RASGRF1: variants seen among roughly 807,000 people sequenced by gnomAD.
The protein encoded by RASGRF1 is Ras protein specific guanine nucleotide releasing factor 1.
A neutral mutation model predicts 138.7 loss-of-function variants in RASGRF1; 40 were observed. That is an observed-to-expected ratio of 0.29 (90% confidence interval 0.22 to 0.38). The LOEUF is 0.38. Ranked by LOEUF, RASGRF1 falls within the 10% of genes least tolerant of loss-of-function variation. The probability of loss-of-function intolerance (pLI) is 1.00; values close to 1 mark genes in which losing one functional copy is unlikely to be tolerated. For synonymous variants in RASGRF1, 614 were observed against 663.2 expected (o/e 0.93, Z 1.14); for missense variants, 1,108 against 1,650.4 (o/e 0.67, Z 5.69).
At chr15:79,003,393 C>A (rs1165024507) in intron 15 of RASGRF1, among the ~76,000 whole-genome samples, 4 of 152,248 alleles carry the variant, frequency 2.6e-5, no homozygotes, top group Non-Finnish European at 2.9e-5. Flanking sequence ...CAGACTGAAT[C>A]CCAGGGGGCA....
At chr15:79,029,991 G>C (rs2057114576) in intron 8 of RASGRF1, among the ~76,000 whole-genome samples, 1 of 152,226 alleles carries the variant, frequency 6.6e-6, no homozygotes, top group Non-Finnish European at 1.5e-5. Flanking sequence ...CCTTGGGGAA[G>C]AGTGTGCGGG....
chr15:78,963,893 T>G (rs920514160), intron 26 of RASGRF1, among the ~76,000 whole-genome samples: 1 of 152,198 alleles, frequency 6.6e-6, no homozygotes, highest in Non-Finnish European at 1.5e-5. Flanking sequence ...TAGATAGTAG[T>G]GTCATGTGAA....
At chr15:79,039,196 G>A (rs1051255861) in intron 5 of RASGRF1, among the ~76,000 whole-genome samples, 5 of 150,906 alleles carry the variant, frequency 3.3e-5, no homozygotes, top group Non-Finnish European at 7.4e-5. Context: ...AGCTACTAAG[G>A]AGGTTGAGAG....
chr15:79,059,865 C>G (rs2057573960), intron 2 of RASGRF1, among the ~76,000 whole-genome samples: 1 of 151,848 alleles, frequency 6.6e-6, no homozygotes, highest in Non-Finnish European at 1.5e-5. Flanking sequence ...TAGGAAGTAT[C>G]TATTATGTAT....
intron 8 of RASGRF1, among the ~76,000 whole-genome samples, chr15:79,028,402 CT>C (rs36004808): frequency 6.6e-6 from 1 of 152,144 alleles, no homozygotes; most frequent in African/African-American, 2.4e-5. Context: ...AATGGCTTAC[CT>C]TTTGGAGCAC....
chr15:79,049,803 T>G (rs1477311860), intron 3 of RASGRF1, among the ~76,000 whole-genome samples: 1 of 152,104 alleles, frequency 6.6e-6, no homozygotes, highest in Non-Finnish European at 1.5e-5. Context: ...GCACGGGGGA[T>G]GGGTAGACAC....
At position 79,046,079 on chromosome 15, in the gene RASGRF1, C is replaced by A. The variant is rs1309180698; in HGVS notation, c.878+667G>T. ...GACAGCAGAAGAGCAGCCGTCAGCACAGCCTTCTGAAGAACCACAAGCCCC... is the reference window on the plus strand; with the variant it reads ...GACAGCAGAAGAGCAGCCGTCAGCAAAGCCTTCTGAAGAACCACAAGCCCC... On this transcript the variant is annotated intron_variant, in intron 5 of 26. Coordinates refer to ENST00000558480, the MANE Select transcript of RASGRF1 (RefSeq NM_001145648.3). The surrounding 1 kb of genome is among the most constrained non-coding windows in gnomAD (Gnocchi z 5.3). Among the ~76,000 whole-genome samples, 1 of 152,210 alleles carries A rather than the reference C, an allele frequency of 6.6e-6. No homozygotes were observed. The highest frequency in any genetic ancestry group is 1.5e-5 in the Non-Finnish European group (1 of 68,042).
rs200753716 is a variant in RASGRF1 at position 79,006,455 on chromosome 15, C to T, written c.1827-21G>A. 3.6e-5 allele frequency: 57 copies of T among 1,602,654 alleles called. No homozygotes were observed. Among genetic ancestry groups the T allele is most frequent in the Non-Finnish European group, 4.8e-5 (56 of 1,176,470 alleles). On this transcript the variant is annotated intron_variant, in intron 13 of 26. Transcript: ENST00000558480. The surrounding 1 kb of genome is among the most constrained non-coding windows in gnomAD (Gnocchi z 4.0). ...CGGACCTGAGAGGGGAGGAAGGATG[C>T]AGAGGTGATGTGGGTCTAAAGGCAT...
chr15:78,966,529 C>T (rs74321174), intron 26 of RASGRF1, among the ~76,000 whole-genome samples: 5,143 of 151,968 alleles, frequency 0.034, 307 homozygotes, highest in African/African-American at 0.12. Flanking sequence ...TGAGAGCCAC[C>T]GTGCCAGGCC....
chr15:79,030,896 C>CAGGGG (rs1360754045), intron 8 of RASGRF1, among the ~76,000 whole-genome samples: 1 of 152,248 alleles, frequency 6.6e-6, no homozygotes, highest in Admixed American at 6.5e-5. Context: ...CTCTGGGCTT[C>CAGGGG]AGGGGCTGAA....
rs551490924 is a variant in RASGRF1, at chr15:78,962,181, T to C, written c.3737A>G (p.Glu1246Gly). The change falls in exon 27 of 27, where the codon GAG becomes GGG. Residue 1246 changes from glutamate (E) to glycine (G), a missense_variant. By Grantham distance (98) the Glu-to-Gly change is moderately conservative (BLOSUM62 -2). Coordinates refer to ENST00000558480, the MANE Select transcript of RASGRF1 (RefSeq NM_001145648.3). ...TTTTGGTTCTATTCGGAGAGAAGAC[T>C]CGTAGAGGCTTTCTTCATCCATTAC... ...SFVMDEESLY[E>G]SSLRIEPKLP... The C allele has an allele frequency of 1.6e-5, 25 of 1,589,500 alleles. No individual in the cohort carries two copies. Among genetic ancestry groups the C allele is most frequent in the Non-Finnish European group, 1.8e-5 (21 of 1,164,048 alleles).
chr15:79,020,252 G>T, intron 10 of RASGRF1, 148 bp from the exon 11 acceptor site: 1 of 728,880 alleles, frequency 1.4e-6, no homozygotes, highest in East Asian at 2.6e-5. Context: ...ATGCCAAGTG[G>T]GTATTTTGCT....
intron 13 of RASGRF1, among the ~76,000 whole-genome samples, chr15:79,013,806 C>G (rs868070203): frequency 3.1e-4 from 47 of 152,254 alleles, no homozygotes; most frequent in African/African-American, 1.0e-3. Flanking sequence ...TTACCCAGGG[C>G]TTGGAGAGCT....
In RASGRF1 at chr15:79,015,426, G is replaced by A; in HGVS notation, c.1744-17C>T. ...ATCCACACACTGGAATCAGAGAGAG[G>A]ACCCCAGGGTCAGAGCTCTCCATTC... On this transcript the variant is annotated splice_polypyrimidine_tract_variant and intron_variant, in intron 12 of 26. Transcript: ENST00000558480. 6.2e-7 allele frequency: 1 copy of A among 1,606,210 alleles called. No individual in the cohort carries two copies.
At chr15:78,996,870 G>A (rs2056405833) in intron 19 of RASGRF1, among the ~76,000 whole-genome samples, 1 of 152,232 alleles carries the variant, frequency 6.6e-6, no homozygotes. Context: ...CGGCCTGGCT[G>A]GGGAGGATGT....
intron 2 of RASGRF1, among the ~76,000 whole-genome samples, chr15:79,059,175 T>C (rs2057552162): frequency 6.7e-6 from 1 of 149,314 alleles, no homozygotes; most frequent in Non-Finnish European, 1.5e-5. Flanking sequence ...TTCCCTTCCC[T>C]ATCCTTCCCT....
At chr15:79,033,581 C>CTTTTTTTTTTTT (rs71148586) in intron 6 of RASGRF1, among the ~76,000 whole-genome samples, 38 of 93,968 alleles carry the variant, frequency 4.0e-4, no homozygotes, top group South Asian at 7.6e-4. Flanking sequence ...TTTTTCTTTT[C>CTTTTTTTTTTTT]TTTTTTTTTT....
chr15:79,063,353 A>C (rs2057633890), intron 2 of RASGRF1, among the ~76,000 whole-genome samples: 1 of 152,210 alleles, frequency 6.6e-6, no homozygotes, highest in South Asian at 2.1e-4. Flanking sequence ...TGCTATAGTC[A>C]TAATAAGGGC....
chr15:79,023,153 G>A lies in RASGRF1; in HGVS notation c.1542+2161C>T, dbSNP rs560370231. The stretch of plus-strand genomic sequence containing the variant: ...CACGCCACTGCACTCCAGTCTGGGC[G>A]ATAGACTGAAACTCCGTCTTGGGGA... On this transcript the variant is annotated intron_variant, in intron 10 of 26. Transcript: ENST00000558480. Among the ~76,000 whole-genome samples, 21 of 151,964 alleles carry A rather than the reference G, an allele frequency of 1.4e-4. No homozygotes were observed. In the East Asian group the frequency reaches 1.7e-3, roughly 13 times the overall value.
Sources: gnomAD v4.1 joint callset for allele counts (sites outside exome capture counted in the v4.1 genomes callset) on GRCh38, gnomAD v4.1.1 for gene constraint, Gnocchi (gnomAD v3.1) non-coding constraint, MANE v1.5 for transcripts, NCBI Gene and HGNC (gene_info 2026-07-23, HGNC 2026-07-21) for gene names.